The following TBX18 variants were observed in gnomAD, a reference collection of about 807,000 sequenced individuals.
The protein encoded by TBX18 is T-box transcription factor TBX18.
In TBX18, 21 loss-of-function variants were observed where a neutral mutation model predicts 55.0. That is an observed-to-expected ratio of 0.38 (90% CI 0.27 to 0.55). The LOEUF (loss-of-function observed/expected upper bound fraction) is 0.55. Ranked by LOEUF, TBX18 falls within the 20% of genes least tolerant of loss-of-function variation. The pLI is 0.73. For missense variants in TBX18, 840 were observed against 799.6 expected (o/e 1.05, Z -0.61); for synonymous variants, 342 against 326.1 (o/e 1.05, Z -0.53).
rs151066891 is a variant in TBX18 at position 84,757,007 on chromosome 6, T to G, written c.600-138A>C. 4.5e-4 allele frequency: 406 copies of G among 910,030 alleles called. 3 individuals are homozygous for G. In the African/African-American group the frequency reaches 6.1e-3, roughly 14 times the overall value. 56.4% of individuals were successfully genotyped at this position (910,030 alleles called of 1,614,324 possible). ...TTCCTCTTTACACTAAAAATAAAAT[T>G]TCAAGCGCTTTTCCAAACCACTCTG... On this transcript the variant is annotated intron_variant, in intron 3 of 7. Coordinates refer to ENST00000369663, the MANE Select transcript of TBX18 (RefSeq NM_001080508.3).
At chr6:84,760,674 G>A (rs1338435487) in intron 2 of TBX18, among the ~76,000 whole-genome samples, 4 of 152,134 alleles carry the variant, frequency 2.6e-5, no homozygotes, top group Non-Finnish European at 5.9e-5. Context: ...AAATCGATAA[G>A]CATATTTACT....
intron 2 of TBX18, 24 bp from the exon 3 acceptor site, chr6:84,760,380 G>C: frequency 6.4e-7 from 1 of 1,569,750 alleles, no homozygotes; most frequent in Admixed American, 1.8e-5. Flanking sequence ...CGAAGAGAAA[G>C]AGGGTTTGGG....
In TBX18 at chr6:84,762,661, G is replaced by C; in HGVS notation, c.380C>G (p.Ala127Gly). ...CGAGGGCAGAGGGGTCCCGGGCCGG[G>C]CCAGGGAGCGCGCCGGAGACCCCTT... ...SPKGSPARSLARPGTPLPSPQ... is the reference protein window; with the variant it reads ...SPKGSPARSLGRPGTPLPSPQ... The change falls in exon 2 of 8, where the codon GCC becomes GGC. Residue 127 changes from alanine to glycine, a missense_variant. Coordinates refer to ENST00000369663, the MANE Select transcript of TBX18 (RefSeq NM_001080508.3). The C allele has an allele frequency of 6.2e-7, 1 of 1,610,202 alleles. No individual in the cohort carries two copies. The highest frequency in any genetic ancestry group is 8.5e-7 in the Non-Finnish European group (1 of 1,178,528).
intron 4 of TBX18, among the ~76,000 whole-genome samples, chr6:84,754,230 A>T (rs1185004075): frequency 3.3e-5 from 5 of 152,170 alleles, no homozygotes; most frequent in African/African-American, 1.2e-4. Flanking sequence ...GCCCAGGCCA[A>T]GCCACCGTGC....
chr6:84,740,209 G>A (rs1228608661), intron 6 of TBX18, among the ~76,000 whole-genome samples: 1 of 152,170 alleles, frequency 6.6e-6, no homozygotes, highest in Non-Finnish European at 1.5e-5. Context: ...TACCCTGAGA[G>A]AGAACAGAAT....
At chr6:84,760,098 C>T (rs562282033) in intron 3 of TBX18, among the ~76,000 whole-genome samples, 157 bp downstream of exon 3, 91 of 152,240 alleles carry the variant, frequency 6.0e-4, no homozygotes, top group African/African-American at 2.1e-3. Context: ...GAAAAGGCAC[C>T]ATCTGGGCCG....
intron 4 of TBX18, among the ~76,000 whole-genome samples, chr6:84,748,361 A>G (rs1444065765): frequency 6.6e-6 from 1 of 152,240 alleles, no homozygotes; most frequent in Non-Finnish European, 1.5e-5. Flanking sequence ...TGCTAAAAAC[A>G]CAGGAATAAA....
chr6:84,745,550 T>C (rs192906991), intron 5 of TBX18, among the ~76,000 whole-genome samples: 1 of 152,134 alleles, frequency 6.6e-6, no homozygotes, highest in Admixed American at 6.6e-5. Flanking sequence ...GATGTTATCT[T>C]AGTATGTGGA....
chr6:84,733,292 CCTTA>C lies in TBX18; in HGVS notation c.*3389_*3392del, dbSNP rs1419899093. 1 of 152,136 alleles carries C rather than the reference CCTTA, an allele frequency of 6.6e-6. No individual in the cohort carries two copies. The highest frequency in any genetic ancestry group is 1.5e-5 in the Non-Finnish European group (1 of 68,016). The allele number at this position is 152,136 out of a possible 1,614,324, so 9.4% of individuals were successfully genotyped here. A position where few individuals can be genotyped will look rare whatever the true frequency, so the allele number is the denominator to read the frequency against. On this transcript the variant is annotated 3_prime_UTR_variant, in exon 8 of 8. Coordinates refer to ENST00000369663, the MANE Select transcript of TBX18 (RefSeq NM_001080508.3). ...AGTACTTAACTGCTCATATATTTAA[CCTTA>C]CTCTCAACTTATCTGAGCATTTCTT...
intron 6 of TBX18, chr6:84,741,859 C>A (rs994052387): frequency 5.9e-5 from 9 of 152,148 alleles, no homozygotes; most frequent in East Asian, 1.9e-4. Flanking sequence ...ATAACTTGGT[C>A]TTTTTTAAAG....
At chr6:84,762,319 T>C (rs1562268088) in intron 2 of TBX18, among the ~76,000 whole-genome samples, 1 of 152,200 alleles carries the variant, frequency 6.6e-6, no homozygotes, top group Non-Finnish European at 1.5e-5. Flanking sequence ...ATTTTCTCCC[T>C]GGCATTCAAC....
Position 84,764,052 on chromosome 6 carries a change from C to A in TBX18, c.130G>T (p.Glu44Ter). ...LQKKRRKLGA[E>*]EAAGAVDDGG... ...TCGTCCACGGCCCCCGCCGCCTCTT[C>A]GGCGCCCAGTTTTCGCCGCTTCTTC... The change falls in exon 1 of 8, where the codon GAA becomes TAA. Residue 44 changes from glutamate (E) to a stop codon, truncating the protein, a stop_gained. Transcript: ENST00000369663. LOFTEE classifies it high-confidence loss of function. 6.4e-7 allele frequency: 1 copy of A among 1,562,218 alleles called. No homozygotes were observed. Among genetic ancestry groups the A allele is most frequent in the Non-Finnish European group, 8.6e-7 (1 of 1,156,964 alleles).
At chr6:84,738,751 C>T (rs1335290275) in intron 6 of TBX18, among the ~76,000 whole-genome samples, 160 bp from the exon 7 acceptor site, 5 of 152,138 alleles carry the variant, frequency 3.3e-5, no homozygotes, top group African/African-American at 7.2e-5. Context: ...AATGCTTCAG[C>T]AATGGGCTAA....
chr6:84,743,195 G>C (rs1767091895), intron 6 of TBX18, among the ~76,000 whole-genome samples: 2 of 152,154 alleles, frequency 1.3e-5, no homozygotes, highest in South Asian at 2.1e-4. Flanking sequence ...TACTCTCAGT[G>C]CATTTTAGCT....
At chr6:84,762,518 G>A in intron 2 of TBX18, 26 bp downstream of exon 2, 2 of 1,613,302 alleles carry the variant, frequency 1.2e-6, no homozygotes, top group Non-Finnish European at 1.7e-6. Context: ...GGTAGGGAGG[G>A]GCGTCCACGC....
Position 84,736,727 on chromosome 6 carries a change from G to T in TBX18, c.1782C>A (p.Ser594Arg), listed in dbSNP as rs770461825. 1 of 1,596,830 alleles carries T rather than the reference G, an allele frequency of 6.3e-7. No homozygotes were observed. Among genetic ancestry groups the T allele is most frequent in the Non-Finnish European group, 8.5e-7 (1 of 1,174,274 alleles). ...ATACTTGAGATGATGACAGAGTTAA[G>T]CTTCCTAGGGTCCTAGAGTCAAAGA... Reference protein sequence around the residue: ...QSFFDSRTLGSLTLSSSQVSA... With the variant: ...QSFFDSRTLGRLTLSSSQVSA... Residue 594 changes from serine to arginine, a missense_variant, in exon 8 of 8, where the codon AGC (serine) becomes AGA (arginine). By Grantham distance (110) the Ser-to-Arg change is moderately radical (BLOSUM62 -1). Transcript: ENST00000369663.
chr6:84,737,516 A>G, intron 7 of TBX18, 107 bp from the exon 8 acceptor site: 1 of 1,259,114 alleles, frequency 7.9e-7, no homozygotes, highest in Non-Finnish European at 1.0e-6. Context: ...GGTTGGAGGA[A>G]TGCTACAGAG....
Position 84,764,208 on chromosome 6 carries a change from C to T in TBX18, c.-27G>A, listed in dbSNP as rs530606002. The T allele has an allele frequency of 9.8e-6, 14 of 1,435,682 alleles. No homozygotes were observed. In the East Asian group the frequency reaches 2.6e-4, roughly 27 times the overall value. The allele number at this position is 1,435,682 out of a possible 1,614,324, so 88.9% of individuals were successfully genotyped here. The stretch of plus-strand genomic sequence containing the variant: ...CCCCCCGCCCCGCGCCCGCCCGCCC[C>T]TCTCTCATATACACTCACGCGGGCA... On this transcript the variant is annotated 5_prime_UTR_variant, in exon 1 of 8. Coordinates refer to ENST00000369663, the MANE Select transcript of TBX18 (RefSeq NM_001080508.3).
At position 84,737,837 on chromosome 6, in the gene TBX18, A is replaced by G. The variant is rs189848696; in HGVS notation, c.1100-428T>C. On this transcript the variant is annotated intron_variant, in intron 7 of 7. Coordinates refer to ENST00000369663, the MANE Select transcript of TBX18 (RefSeq NM_001080508.3). ...TTGATGGTGTTTTATATAGTGTCTCAAAATAATCCAAAAGCCCAATCCAAC... is the reference window on the plus strand; with the variant it reads ...TTGATGGTGTTTTATATAGTGTCTCGAAATAATCCAAAAGCCCAATCCAAC... Among the ~76,000 whole-genome samples, 571 of 152,338 alleles carry G rather than the reference A, an allele frequency of 3.7e-3. 2 individuals are homozygous for G. The highest frequency in any genetic ancestry group is 5.6e-3 in the Non-Finnish European group (380 of 68,036).
Sources: allele counts gnomAD v4.1 joint callset (sites outside exome capture counted in the v4.1 genomes callset), GRCh38; gene constraint gnomAD v4.1.1; transcripts MANE v1.5; gene names NCBI Gene and HGNC (gene_info 2026-07-23, HGNC 2026-07-21).